Variants in EPHA3 observed in about 807,000 individuals in gnomAD.
EPHA3 encodes ephrin type-A receptor 3.
EPHA3 carries 42 observed loss-of-function variants against 107.1 expected under a neutral mutation model. The observed-to-expected ratio is 0.39, with a 90% CI of 0.31 to 0.51. The LOEUF (loss-of-function observed/expected upper bound fraction) is 0.51, where lower values mean the gene tolerates loss of function less well. EPHA3 is among the 20% of genes least tolerant of loss of function. The probability of loss-of-function intolerance (pLI) is 0.78; values close to 1 mark genes in which losing one functional copy is unlikely to be tolerated. For missense variants in EPHA3, 1,183 were observed against 1,211.2 expected, an observed-to-expected ratio of 0.98 and a Z score of 0.35; for synonymous variants, 461 against 424.8, an observed-to-expected ratio of 1.09 and a Z score of -1.05.
rs541864889 is a variant in EPHA3, at chr3:89,403,909, G to A, written c.1595-3360G>A. ...GTACCTCATATAGCCTCATATAGTA[G>A]GTACTCACTGTGCATGTGTGTTGTG... On this transcript the variant is annotated intron_variant, in intron 7 of 16. Coordinates refer to ENST00000336596, the MANE Select transcript of EPHA3 (RefSeq NM_005233.6). 2.8e-3 allele frequency among the ~76,000 whole-genome samples: 421 copies of A among 152,212 alleles called. 2 individuals carry two copies. The highest frequency in any genetic ancestry group is 9.5e-3 in the African/African-American group (393 of 41,520).
chr3:89,223,135 T>A (rs1483186174), intron 3 of EPHA3, among the ~76,000 whole-genome samples: 1 of 152,216 alleles, frequency 6.6e-6, no homozygotes, highest in Non-Finnish European at 1.5e-5. Context: ...CTTGTTATAC[T>A]TTCATGACAA....
chr3:89,429,188 T>A, intron 12 of EPHA3, 21 bp downstream of exon 12: 1 of 1,571,494 alleles, frequency 6.4e-7, no homozygotes, highest in Non-Finnish European at 8.7e-7. Flanking sequence ...TGCACACACA[T>A]ACATATATAT....
chr3:89,123,668 G>C (rs1458614171), intron 1 of EPHA3, among the ~76,000 whole-genome samples: 1 of 152,028 alleles, frequency 6.6e-6, no homozygotes, highest in Non-Finnish European at 1.5e-5. Flanking sequence ...GAAAAACCTA[G>C]AACCATATCC....
intron 5 of EPHA3, among the ~76,000 whole-genome samples, chr3:89,386,250 T>A (rs1708618812): frequency 6.6e-6 from 1 of 152,136 alleles, no homozygotes. Flanking sequence ...GGAAAACATC[T>A]CCAGGGCATG....
chr3:89,351,351 C>T (rs1289994351), intron 5 of EPHA3, among the ~76,000 whole-genome samples: 2 of 151,232 alleles, frequency 1.3e-5, no homozygotes, highest in Non-Finnish European at 3.0e-5. Flanking sequence ...CTGAAAAGCG[C>T]AATATTCGGG....
At chr3:89,425,174 C>T (rs575174208) in intron 11 of EPHA3, among the ~76,000 whole-genome samples, 57 of 151,104 alleles carry the variant, frequency 3.8e-4, no homozygotes, top group Middle Eastern at 6.8e-3. Context: ...GAAGACGTTG[C>T]CCTGTAATTT....
chr3:89,273,344 TTCTATC>T (rs1265613665), intron 3 of EPHA3, among the ~76,000 whole-genome samples: 1 of 152,014 alleles, frequency 6.6e-6, no homozygotes, highest in Non-Finnish European at 1.5e-5. Flanking sequence ...CATTTCTGTA[TTCTATC>T]TATTCATGTT....
chr3:89,365,567 C>T (rs189837943), intron 5 of EPHA3, among the ~76,000 whole-genome samples: 56 of 150,826 alleles, frequency 3.7e-4, no homozygotes, highest in Admixed American at 1.4e-3. Context: ...GAAACATAGA[C>T]TAATGTTGCT....
chr3:89,403,381 C>A (rs1363188123), intron 7 of EPHA3, among the ~76,000 whole-genome samples: 1 of 151,924 alleles, frequency 6.6e-6, no homozygotes, highest in Non-Finnish European at 1.5e-5. Context: ...TATACATGAT[C>A]CAAGATACAG....
intron 2 of EPHA3, among the ~76,000 whole-genome samples, chr3:89,179,537 A>G (rs1395957360): frequency 6.6e-6 from 1 of 151,924 alleles, no homozygotes; most frequent in Non-Finnish European, 1.5e-5. Context: ...ATCTTCTCTC[A>G]TCTTTTTCGC....
At chr3:89,208,224 G>T (rs545934651) in intron 2 of EPHA3, among the ~76,000 whole-genome samples, 1 of 151,846 alleles carries the variant, frequency 6.6e-6, no homozygotes, top group Admixed American at 6.6e-5. Context: ...ATCAAAATTA[G>T]CCAGTTGTGG....
chr3:89,406,948 C>T (rs781687852), intron 7 of EPHA3, among the ~76,000 whole-genome samples: 22 of 152,068 alleles, frequency 1.4e-4, no homozygotes, highest in Non-Finnish European at 2.8e-4. Flanking sequence ...GTTCATTCAA[C>T]GAGTTTTTTG....
intron 13 of EPHA3, among the ~76,000 whole-genome samples, chr3:89,440,020 C>T (rs117243212): frequency 2.0e-5 from 3 of 152,156 alleles, no homozygotes; most frequent in East Asian, 1.9e-4. Flanking sequence ...TGAGGTTTTG[C>T]TACCTAAAGG....
intron 11 of EPHA3, among the ~76,000 whole-genome samples, chr3:89,422,616 A>C (rs1028327780): frequency 1.6e-4 from 25 of 151,568 alleles, no homozygotes; most frequent in Middle Eastern, 6.8e-3. Flanking sequence ...GAATATATTA[A>C]GTGGCAAAGA....
At chr3:89,404,617 A>AGTC in intron 7 of EPHA3, among the ~76,000 whole-genome samples, 1 of 152,330 alleles carries the variant, frequency 6.6e-6, no homozygotes, top group East Asian at 1.9e-4. Flanking sequence ...CATCACTATT[A>AGTC]GTCATTCACA....
intron 3 of EPHA3, among the ~76,000 whole-genome samples, chr3:89,319,068 A>G (rs1559645311): frequency 2.0e-5 from 3 of 151,818 alleles, no homozygotes; most frequent in African/African-American, 4.8e-5. Context: ...ACCATTTGTC[A>G]TTTTCTGAAT....
chr3:89,418,249 C>A (rs1044974189), intron 10 of EPHA3, among the ~76,000 whole-genome samples: 11 of 151,274 alleles, frequency 7.3e-5, no homozygotes, highest in Non-Finnish European at 1.5e-4. Context: ...TAATGTGATG[C>A]AAAACATATC....
At chr3:89,302,608 G>A (rs1706517708) in intron 3 of EPHA3, among the ~76,000 whole-genome samples, 1 of 152,010 alleles carries the variant, frequency 6.6e-6, no homozygotes, top group Non-Finnish European at 1.5e-5. Context: ...TCATTTGTAT[G>A]TCATGACTGC....
At chr3:89,288,876 A>T (rs1342459187) in intron 3 of EPHA3, among the ~76,000 whole-genome samples, 1 of 152,192 alleles carries the variant, frequency 6.6e-6, no homozygotes, top group Admixed American at 6.5e-5. Context: ...GCTTCTAAAC[A>T]GTTTTAAAAG....
Sources: gnomAD v4.1 joint callset for allele counts (sites outside exome capture counted in the v4.1 genomes callset) on GRCh38, gnomAD v4.1.1 for gene constraint, MANE v1.5 for transcripts, NCBI Gene and HGNC (gene_info 2026-07-23, HGNC 2026-07-21) for gene names.